Variants in SMPD4 observed in about 807,000 individuals in gnomAD.
SMPD4 encodes sphingomyelin phosphodiesterase 4.
A neutral mutation model predicts 97.8 loss-of-function variants in SMPD4; 58 were observed. The ratio of observed to expected loss-of-function variants is 0.59; its 90% CI spans 0.48 to 0.74. SMPD4 has a LOEUF of 0.74. Ranked by LOEUF, SMPD4 falls within the 30% of genes least tolerant of loss-of-function variation. SMPD4 has a pLI of 0.00. For missense variants in SMPD4, 853 were observed against 1,080.5 expected, an observed-to-expected ratio of 0.79 and a Z score of 2.95; for synonymous variants, 388 against 450.0, an observed-to-expected ratio of 0.86 and a Z score of 1.74.
At chr2:130,163,057 A>C (rs1418268578) in intron 10 of SMPD4, among the ~76,000 whole-genome samples, 3 of 152,236 alleles carry the variant, frequency 2.0e-5, no homozygotes, top group African/African-American at 7.2e-5. Context: ...CTGACTCTTG[A>C]AAGTAGGTGT....
At chr2:130,181,654 C>T (rs1414631785), upstream of SMPD4, 28 of 1,551,438 alleles carry the variant, frequency 1.8e-5, no homozygotes, top group Non-Finnish European at 2.3e-5. Context: ...GCGCTTCCAC[C>T]TCTTTGGGCC....
intron 15 of SMPD4, 52 bp from the exon 16 acceptor site, chr2:130,154,534 G>A (rs1418089784): frequency 6.5e-6 from 10 of 1,550,366 alleles, no homozygotes; most frequent in South Asian, 1.2e-5. Context: ...CAGAGTACCC[G>A]ACTGCTGCCC....
intron 19 of SMPD4, 50 bp from the exon 20 acceptor site, chr2:130,152,934 C>CTCAGGA (rs761896214): frequency 6.4e-7 from 1 of 1,560,638 alleles, no homozygotes; most frequent in South Asian, 1.2e-5. Flanking sequence ...CACCACAGGC[C>CTCAGGA]TCAGGACAGC....
Position 130,160,984 on chromosome 2 carries a change from A to C in SMPD4, c.951+202T>G, listed in dbSNP as rs983032205. On this transcript the variant is annotated intron_variant, in intron 11 of 19. Transcript: ENST00000680298. The stretch of plus-strand genomic sequence containing the variant: ...TGCCTCGTTCTGCCACAAAGCCACC[A>C]CCCCCACCCCCAACCAAACTAGTCT... 4.0e-5 allele frequency among the ~76,000 whole-genome samples: 6 copies of C among 150,378 alleles called. 1 individual carries two copies. The highest frequency in any genetic ancestry group is 3.3e-4 in the Admixed American group (5 of 15,102).
At chr2:130,156,348 C>T in intron 13 of SMPD4, 1 of 657,224 alleles carries the variant, frequency 1.5e-6, no homozygotes, top group Non-Finnish European at 2.7e-6. Flanking sequence ...GCAGAGTACT[C>T]CCTGGTCAGG....
rs763059863 is a variant in SMPD4 at position 130,153,384 on chromosome 2, T to G, written c.1960A>C (p.Lys654Gln). ...LGTTQDENGK[K>Q]QLPDCIVGED... Reference sequence around the variant, plus strand: ...CCCACGATGCAGTCGGGGAGTTGCTTTTTTCCATTCTCATCCTGGGTGGTG... The same window carrying G: ...CCCACGATGCAGTCGGGGAGTTGCTGTTTTCCATTCTCATCCTGGGTGGTG... The change falls in exon 18 of 20, where the codon AAG becomes CAG. Residue 654 changes from lysine (K) to glutamine (Q), a missense_variant. Lys to Gln is a moderately conservative substitution (Grantham distance 53, BLOSUM62 1). Coordinates refer to ENST00000680298, the MANE Select transcript of SMPD4 (RefSeq NM_017951.5). 1.2e-6 allele frequency: 2 copies of G among 1,613,840 alleles called. No homozygotes were observed. The highest frequency in any genetic ancestry group is 1.7e-5 in the Admixed American group (1 of 60,022).
chr2:130,153,988 C>T (rs1315203195), intron 16 of SMPD4, 53 bp from the exon 17 acceptor site: 3 of 1,541,202 alleles, frequency 1.9e-6, no homozygotes, highest in Non-Finnish European at 2.7e-6. Flanking sequence ...TGCTGCCACC[C>T]AGGCAGCCCC....
At chr2:130,157,951 A>C in intron 11 of SMPD4, 1 of 218,314 alleles carries the variant, frequency 4.6e-6, no homozygotes, top group South Asian at 6.2e-5. Flanking sequence ...TAGCCTAGAC[A>C]ACATAGGGAC....
chr2:130,169,215 G>A (rs1410343990), intron 8 of SMPD4, among the ~76,000 whole-genome samples: 1 of 152,198 alleles, frequency 6.6e-6, no homozygotes. Context: ...GCATGCTCTG[G>A]AGGGGTCAAG....
At chr2:130,160,275 C>T (rs1295046085) in intron 11 of SMPD4, among the ~76,000 whole-genome samples, 1 of 152,218 alleles carries the variant, frequency 6.6e-6, no homozygotes, top group Admixed American at 6.5e-5. Context: ...AATGAGGTGC[C>T]CCTGTGTGCT....
intron 1 of SMPD4, among the ~76,000 whole-genome samples, chr2:130,179,107 C>T (rs1442337942): frequency 6.6e-6 from 1 of 150,878 alleles, no homozygotes; most frequent in Admixed American, 6.6e-5. Flanking sequence ...GAACATCTCC[C>T]AAGTTTTTTC....
At chr2:130,170,458 C>CAAAGAAAAAAAAAAA (rs1553438101) in intron 8 of SMPD4, among the ~76,000 whole-genome samples, 1 of 64,682 alleles carries the variant, frequency 1.5e-5, no homozygotes, top group Non-Finnish European at 2.9e-5. Flanking sequence ...AAGACCCTGT[C>CAAAGAAAAAAAAAAA]AAAAAAAAAA....
Position 130,155,186 on chromosome 2 carries a change from T to A in SMPD4, c.1363A>T (p.Thr455Ser). ...FVGFLNRALR[T>S]DLVSPKHALM... ...GCGTGCTTGGGGCTGACCAGGTCTG[T>A]GCGGAGCGCGCGGTTCAGAAAGCCC... The change falls in exon 15 of 20, where the codon ACA (threonine) becomes TCA (serine). Residue 455 changes from threonine to serine, a missense_variant. This residue lies in a region of SMPD4 where 511 missense variants were observed against 608.1 expected (regional missense o/e 0.84). Coordinates refer to ENST00000680298, the MANE Select transcript of SMPD4 (RefSeq NM_017951.5). 6.2e-7 allele frequency: 1 copy of A among 1,614,184 alleles called. No individual in the cohort carries two copies. The highest frequency in any genetic ancestry group is 1.1e-5 in the South Asian group (1 of 91,086).
intron 9 of SMPD4, among the ~76,000 whole-genome samples, chr2:130,166,346 AG>A (rs1339866729): frequency 6.8e-6 from 1 of 146,780 alleles, no homozygotes; most frequent in Non-Finnish European, 1.5e-5. Context: ...GCTTTGGCCC[AG>A]GGAACAGCAG....
At chr2:130,168,607 C>T (rs1169008664) in intron 8 of SMPD4, among the ~76,000 whole-genome samples, 1 of 152,034 alleles carries the variant, frequency 6.6e-6, no homozygotes, top group Non-Finnish European at 1.5e-5. Flanking sequence ...GCAACCTCAA[C>T]CTCCTAGACT....
Position 130,154,431 on chromosome 2 carries a change from C to T in SMPD4, c.1505G>A (p.Arg502Gln), listed in dbSNP as rs546009759. 7 of 1,571,410 alleles carry T rather than the reference C, an allele frequency of 4.5e-6. No individual in the cohort carries two copies. The highest frequency in any genetic ancestry group is 3.5e-5 in the South Asian group (3 of 86,306). The change falls in exon 16 of 20, where the codon CGA (arginine) becomes CAA (glutamine). Residue 502 changes from arginine (R) to glutamine (Q), a missense_variant. By Grantham distance (43) the Arg-to-Gln change is conservative. Around this residue, in one of 3 missense-constraint regions of SMPD4, gnomAD observed 511 missense variants for 608.1 expected, o/e 0.84. Transcript: ENST00000680298. Reference sequence around the variant, plus strand: ...AGTGAATGTGGGGGCCGTGAAGAGTCGGTGCTGGCGGTGGGGGATGACCAG... The same window carrying T: ...AGTGAATGTGGGGGCCGTGAAGAGTTGGTGCTGGCGGTGGGGGATGACCAG... ...PELVIPHRQH[R>Q]LFTAPTFTGS...
intron 2 of SMPD4, among the ~76,000 whole-genome samples, chr2:130,175,992 A>C (rs934966059): frequency 2.0e-5 from 3 of 151,974 alleles, no homozygotes; most frequent in African/African-American, 7.3e-5. Context: ...ACTTCTCAGT[A>C]TCATTTTTTT....
chr2:130,153,593 C>T lies in SMPD4; in HGVS notation c.1893+109G>A, dbSNP rs902979494. 6.4e-6 allele frequency: 10 copies of T among 1,555,674 alleles called. No homozygotes were observed. The African/African-American group carries it at 1.4e-4, about 21-fold the overall frequency. ...GGCCTGCCTCCCACAACACTGGGTCCATATGTGTGGGGCCTGGGACTGGTA... is the reference window on the plus strand; with the variant it reads ...GGCCTGCCTCCCACAACACTGGGTCTATATGTGTGGGGCCTGGGACTGGTA... On this transcript the variant is annotated intron_variant, in intron 17 of 19. Transcript: ENST00000680298.
chr2:130,172,998 A>G (rs1688623485), intron 5 of SMPD4, 103 bp from the exon 6 acceptor site: 1 of 1,467,896 alleles, frequency 6.8e-7, no homozygotes, highest in African/African-American at 1.4e-5. Flanking sequence ...CTGCTGGGGA[A>G]GAGACCCACA....
Sources: gnomAD v4.1 joint callset for allele counts (sites outside exome capture counted in the v4.1 genomes callset) on GRCh38, gnomAD v4.1.1 for gene constraint, gnomAD v4.1.1 regional missense constraint, MANE v1.5 for transcripts, NCBI Gene and HGNC (gene_info 2026-07-23, HGNC 2026-07-21) for gene names.